ZFP1: variants seen among roughly 807,000 people sequenced by gnomAD.
ZFP1 encodes the protein ZFP1 zinc finger protein, also known as zinc finger protein 1 homolog.
ZFP1 carries 32 observed loss-of-function variants against 38.5 expected under a neutral mutation model. The ratio of observed to expected loss-of-function variants is 0.83; its 90% CI spans 0.63 to 1.12. ZFP1 has a LOEUF of 1.12. ZFP1 is among the 50% of genes most tolerant of loss of function. The pLI, the probability that ZFP1 is intolerant of heterozygous loss-of-function variation, is 0.00. For missense variants in ZFP1, 616 were observed against 480.8 expected, an observed-to-expected ratio of 1.28 and a Z score of -2.63; for synonymous variants, 245 against 168.8, an observed-to-expected ratio of 1.45 and a Z score of -3.50.
the ZFP1 span, among the ~76,000 whole-genome samples, chr16:75,134,690 G>T: frequency 6.7e-6 from 1 of 148,784 alleles, no homozygotes; most frequent in South Asian, 2.1e-4. Flanking sequence ...GGCAGAGCTT[G>T]CAGTGAGCCA....
the ZFP1 span, among the ~76,000 whole-genome samples, chr16:75,124,768 C>G: frequency 9.4e-6 from 1 of 106,418 alleles, no homozygotes. Context: ...GCCTGGGCAA[C>G]AGAGCAAGAC....
intron 1 of ZFP1, among the ~76,000 whole-genome samples, chr16:75,151,925 A>G (rs1473080002): frequency 6.6e-6 from 1 of 152,162 alleles, no homozygotes; most frequent in Non-Finnish European, 1.5e-5. Context: ...TTTTTACTTC[A>G]TTATCATTTT....
chr16:75,128,546 AT>A, the ZFP1 span, among the ~76,000 whole-genome samples: 1 of 152,216 alleles, frequency 6.6e-6, no homozygotes, highest in Non-Finnish European at 1.5e-5. Context: ...GTCTTGTCTA[AT>A]ATTTTTCAAT....
intron 3 of ZFP1, among the ~76,000 whole-genome samples, chr16:75,168,429 T>C (rs1415717249): frequency 6.6e-6 from 1 of 150,872 alleles, no homozygotes; most frequent in East Asian, 2.0e-4. Context: ...CAGTGAGCTA[T>C]GATTGTGCCA....
intron 1 of ZFP1, among the ~76,000 whole-genome samples, chr16:75,150,543 A>G (rs2037145908): frequency 6.6e-6 from 1 of 152,018 alleles, no homozygotes; most frequent in East Asian, 1.9e-4. Flanking sequence ...TTATTGATTT[A>G]TAGTTTAATT....
At chr16:75,121,543 G>T in the ZFP1 span, among the ~76,000 whole-genome samples, 6 of 152,096 alleles carry the variant, frequency 3.9e-5, no homozygotes, top group African/African-American at 1.4e-4. Flanking sequence ...CACCTGAGTT[G>T]TTTCCTTTAA....
At chr16:75,141,192 ATTCTT>A in the ZFP1 span, among the ~76,000 whole-genome samples, 1 of 134,828 alleles carries the variant, frequency 7.4e-6, no homozygotes, top group Non-Finnish European at 1.6e-5. Context: ...AAATTGGGTC[ATTCTT>A]TTTTTTTTTT....
At chr16:75,129,511 G>C in the ZFP1 span, among the ~76,000 whole-genome samples, 4 of 152,142 alleles carry the variant, frequency 2.6e-5, no homozygotes, top group African/African-American at 4.8e-5. Context: ...AGATAAATGC[G>C]TATCCTTTTG....
chr16:75,142,381 A>C, the ZFP1 span, among the ~76,000 whole-genome samples: 2 of 151,788 alleles, frequency 1.3e-5, no homozygotes, highest in African/African-American at 4.8e-5. Context: ...AAAAAAGAAA[A>C]GAAAAATAAA....
rs1406347073 is a variant in ZFP1, at chr16:75,171,998, A to G, written c.*1664A>G. ...AGCACTTAAGATTATATGTTTACTAATGTATATTGTATTTTTTGGTAAGGA... is the reference window on the plus strand; with the variant it reads ...AGCACTTAAGATTATATGTTTACTAGTGTATATTGTATTTTTTGGTAAGGA... On this transcript the variant is annotated 3_prime_UTR_variant, in exon 4 of 4. Coordinates refer to ENST00000570010, the MANE Select transcript of ZFP1 (RefSeq NM_153688.4). The G allele has an allele frequency of 1.3e-5, 2 of 152,224 alleles. No homozygotes were observed. The highest frequency in any genetic ancestry group is 1.9e-4 in the East Asian group (1 of 5,196). 9.4% of individuals were successfully genotyped at this position (152,224 alleles called of 1,614,324 possible).
chr16:75,146,324 G>A (rs187831247), upstream of ZFP1, among the ~76,000 whole-genome samples: 119 of 152,058 alleles, frequency 7.8e-4, no homozygotes, highest in Non-Finnish European at 1.1e-3. Context: ...CACCACGCCC[G>A]GCTAATTTTT....
chr16:75,168,649 T>C (rs541303279), intron 3 of ZFP1, among the ~76,000 whole-genome samples: 1 of 152,232 alleles, frequency 6.6e-6, no homozygotes, highest in Admixed American at 6.5e-5. Flanking sequence ...TGCAAGATTC[T>C]CACTTAAGAG....
chr16:75,153,003 T>C (rs545131564), intron 2 of ZFP1, 37 bp downstream of exon 2: 2 of 1,612,506 alleles, frequency 1.2e-6, no homozygotes, highest in Non-Finnish European at 1.7e-6. Flanking sequence ...TGCTTTTCAG[T>C]GCATTTAAGG....
At chr16:75,155,310 T>G (rs1183282653) in intron 2 of ZFP1, among the ~76,000 whole-genome samples, 1 of 152,174 alleles carries the variant, frequency 6.6e-6, no homozygotes, top group Non-Finnish European at 1.5e-5. Context: ...TTTTTGTATT[T>G]TTTTGTAGAG....
intron 2 of ZFP1, among the ~76,000 whole-genome samples, chr16:75,154,234 A>G (rs2037358006): frequency 6.6e-6 from 1 of 152,128 alleles, no homozygotes; most frequent in South Asian, 2.1e-4. Context: ...AAAAAAAAAA[A>G]AAGAGAAGGT....
chr16:75,146,527 G>A (rs918529785), upstream of ZFP1, among the ~76,000 whole-genome samples: 1 of 152,120 alleles, frequency 6.6e-6, no homozygotes, highest in African/African-American at 2.4e-5. Context: ...CCTGAACACA[G>A]ATGTTTAGAG....
At chr16:75,130,432 T>TG in the ZFP1 span, among the ~76,000 whole-genome samples, 1 of 152,166 alleles carries the variant, frequency 6.6e-6, no homozygotes, top group African/African-American at 2.4e-5. Context: ...TGCAATTTGT[T>TG]GACTGGCCTT....
chr16:75,170,210 T>C lies in ZFP1; in HGVS notation c.1100T>C (p.Leu367Pro), dbSNP rs1243754901. 1.2e-6 allele frequency: 2 copies of C among 1,614,164 alleles called. No homozygotes were observed. The highest frequency in any genetic ancestry group is 1.7e-6 in the Non-Finnish European group (2 of 1,180,016). ...AAAACTTTCAGCCAGAGGTCAACTC[T>C]TAGATTACACTTGCGAATCCACACA... Reference protein sequence around the residue: ...CGKTFSQRSTLRLHLRIHTGE... With the variant: ...CGKTFSQRSTPRLHLRIHTGE... Residue 367 changes from leucine to proline, a missense_variant, in exon 4 of 4, where the codon CTT becomes CCT. Transcript: ENST00000570010.
the ZFP1 span, among the ~76,000 whole-genome samples, chr16:75,123,786 C>A: frequency 6.7e-6 from 1 of 148,372 alleles, no homozygotes; most frequent in Non-Finnish European, 1.5e-5. Context: ...CAAAAACATT[C>A]TTTCTTAAAA....
Sources: allele counts gnomAD v4.1 joint callset (sites outside exome capture counted in the v4.1 genomes callset), GRCh38; gene constraint gnomAD v4.1.1; transcripts MANE v1.5; gene names NCBI Gene and HGNC (gene_info 2026-07-23, HGNC 2026-07-21).